TMCC1: variants seen among roughly 807,000 people sequenced by gnomAD.
TMCC1 encodes transmembrane and coiled-coil domains protein 1.
TMCC1 carries 15 observed loss-of-function variants against 52.4 expected under a neutral mutation model. The observed-to-expected ratio is 0.29, with a 90% CI of 0.19 to 0.44. The LOEUF is 0.44. TMCC1 is among the 20% of genes least tolerant of loss of function. The pLI is 1.00. For missense variants in TMCC1, 503 were observed against 806.0 expected (o/e 0.62, Z 4.55); for synonymous variants, 279 against 301.9 (o/e 0.92, Z 0.79).
chr3:129,734,415 A>G (rs2050779224), intron 4 of TMCC1, among the ~76,000 whole-genome samples: 1 of 152,240 alleles, frequency 6.6e-6, no homozygotes, highest in African/African-American at 2.4e-5. Context: ...TGTACATGCA[A>G]TACAAGTACA....
intron 4 of TMCC1, among the ~76,000 whole-genome samples, chr3:129,797,545 T>C (rs994016854): frequency 9.2e-5 from 14 of 151,530 alleles, no homozygotes; most frequent in African/African-American, 3.4e-4. Flanking sequence ...AATTCGAGAG[T>C]AGCCTGGGCA....
At chr3:129,677,910 A>G (rs1305241310) in intron 4 of TMCC1, among the ~76,000 whole-genome samples, 1 of 152,188 alleles carries the variant, frequency 6.6e-6, no homozygotes, top group African/African-American at 2.4e-5. Flanking sequence ...CTCTACTTGC[A>G]TGTCCAACAG....
chr3:129,711,465 A>G (rs577790678), intron 4 of TMCC1, among the ~76,000 whole-genome samples: 152 of 152,322 alleles, frequency 1.0e-3, no homozygotes, highest in African/African-American at 3.4e-3. Context: ...CACTTAAGGA[A>G]GATTTTGTTT....
chr3:129,827,699 A>C (rs1326195669), intron 4 of TMCC1, 104 bp downstream of exon 4: 1 of 1,363,918 alleles, frequency 7.3e-7, no homozygotes, highest in African/African-American at 1.4e-5. Context: ...CCACAACTTT[A>C]AGGTATTTGC....
chr3:129,853,729 C>CTGTCAAAAAGAGGTA (rs2060018004), intron 2 of TMCC1, among the ~76,000 whole-genome samples: 2 of 151,780 alleles, frequency 1.3e-5, no homozygotes, highest in South Asian at 2.1e-4. Context: ...CTCTTTTTGG[C>CTGTCAAAAAGAGGTA]TGTCATCAAA....
At chr3:129,741,805 A>G (rs1160845832) in intron 4 of TMCC1, among the ~76,000 whole-genome samples, 1 of 152,130 alleles carries the variant, frequency 6.6e-6, no homozygotes. Flanking sequence ...GTTATATCTT[A>G]ACAGACTTCT....
At chr3:129,766,710 CT>C (rs1183926805) in intron 4 of TMCC1, among the ~76,000 whole-genome samples, 1 of 152,008 alleles carries the variant, frequency 6.6e-6, no homozygotes. Context: ...AGCCTACCCC[CT>C]GGGCTCAAGT....
chr3:129,833,233 A>C lies in TMCC1; in HGVS notation c.-183-407T>G, dbSNP rs1367875127. Among the ~76,000 whole-genome samples, 3 of 152,242 alleles carry C rather than the reference A, an allele frequency of 2.0e-5. No homozygotes were observed. The East Asian group carries it at 5.8e-4, about 29-fold the overall frequency. ...AATTTTATAAGTAAAATTTTTTTTC[A>C]AGTAGTTTCCTAATCTGTATCTGCC... On this transcript the variant is annotated intron_variant, in intron 2 of 6. Transcript: ENST00000393238.
intron 4 of TMCC1, among the ~76,000 whole-genome samples, chr3:129,674,468 A>AT (rs2088228882): frequency 6.6e-6 from 1 of 152,148 alleles, no homozygotes; most frequent in Non-Finnish European, 1.5e-5. Context: ...AGCAGAAACA[A>AT]TTTTTTTAAA....
intron 4 of TMCC1, among the ~76,000 whole-genome samples, chr3:129,804,530 T>G (rs2057359229): frequency 6.6e-6 from 1 of 152,166 alleles, no homozygotes; most frequent in African/African-American, 2.4e-5. Context: ...CATTTTGAAG[T>G]TCAACTACTA....
At chr3:129,850,898 C>T (rs978890704) in intron 2 of TMCC1, among the ~76,000 whole-genome samples, 1 of 152,238 alleles carries the variant, frequency 6.6e-6, no homozygotes, top group African/African-American at 2.4e-5. Flanking sequence ...CCTTAAGACA[C>T]AGATCGCTCA....
chr3:129,723,954 T>C (rs932122720), intron 4 of TMCC1, among the ~76,000 whole-genome samples: 6 of 148,160 alleles, frequency 4.0e-5, no homozygotes, highest in Non-Finnish European at 3.0e-5. Context: ...CACACACATA[T>C]ACAACATACG....
At chr3:129,697,686 A>C (rs944392973) in intron 4 of TMCC1, among the ~76,000 whole-genome samples, 11 of 152,058 alleles carry the variant, frequency 7.2e-5, no homozygotes, top group Admixed American at 1.3e-4. Context: ...CCACTTAGAA[A>C]TTTCTTCTGC....
rs971223023 is a variant in TMCC1 at position 129,765,429 on chromosome 3, A to C, written c.576+62374T>G. 9.9e-5 allele frequency among the ~76,000 whole-genome samples: 15 copies of C among 152,154 alleles called. 1 individual carries two copies. Among genetic ancestry groups the C allele is most frequent in the African/African-American group, 3.4e-4 (14 of 41,448 alleles). ...ATTTATCAGTAAATATACTCATAAC[A>C]ATAATAATCAGGGCCCTGAAGAGAG... On this transcript the variant is annotated intron_variant, in intron 4 of 6. Coordinates refer to ENST00000393238, the MANE Select transcript of TMCC1 (RefSeq NM_001017395.5).
intron 4 of TMCC1, among the ~76,000 whole-genome samples, chr3:129,798,858 G>A (rs2057014868): frequency 6.6e-6 from 1 of 152,144 alleles, no homozygotes; most frequent in Non-Finnish European, 1.5e-5. Flanking sequence ...TTTTCAAAAT[G>A]TTTAGTCAAC....
At position 129,881,099 on chromosome 3, in the gene TMCC1, T is replaced by A. The variant is rs563156415; in HGVS notation, c.-434-540A>T. Among the ~76,000 whole-genome samples the A allele has an allele frequency of 3.9e-5, 6 of 152,120 alleles. No individual in the cohort carries two copies. In the South Asian group the frequency reaches 1.0e-3, roughly 26 times the overall value. ...GGCTGGTCTTGATCTCCTGACCTCA[T>A]GATCCCCCTGCCTCGGCCTCCCAAA... On this transcript the variant is annotated intron_variant, in intron 1 of 6. Transcript: ENST00000393238.
intron 2 of TMCC1, among the ~76,000 whole-genome samples, chr3:129,863,865 G>C (rs1312476045): frequency 1.3e-5 from 2 of 148,408 alleles, no homozygotes; most frequent in Non-Finnish European, 3.0e-5. Flanking sequence ...CTTATCTCAA[G>C]AAAAAAAAAG....
intron 4 of TMCC1, among the ~76,000 whole-genome samples, chr3:129,805,066 C>T (rs927815075): frequency 6.6e-6 from 1 of 152,158 alleles, no homozygotes; most frequent in South Asian, 2.1e-4. Context: ...ATGCTAAAAA[C>T]CAGGCTGGAG....
chr3:129,680,127 G>T (rs567002774), intron 4 of TMCC1, among the ~76,000 whole-genome samples: 1 of 152,124 alleles, frequency 6.6e-6, no homozygotes, highest in East Asian at 1.9e-4. Flanking sequence ...AAATACTTTA[G>T]TATTCTCGTT....
Sources: gnomAD v4.1 joint callset for allele counts (sites outside exome capture counted in the v4.1 genomes callset) on GRCh38, gnomAD v4.1.1 for gene constraint, MANE v1.5 for transcripts, NCBI Gene and HGNC (gene_info 2026-07-23, HGNC 2026-07-21) for gene names.